The following BRIP1 variants were observed in gnomAD, a reference collection of about 807,000 sequenced individuals.
BRIP1 encodes Fanconi anemia group J protein.
Under a neutral mutation model 119.7 loss-of-function variants are expected in BRIP1, and 88 were observed. The ratio of observed to expected loss-of-function variants is 0.74; its 90% CI spans 0.62 to 0.88. The LOEUF is 0.88. BRIP1 is among the 40% of genes least tolerant of loss of function. The pLI, the probability that BRIP1 is intolerant of heterozygous loss-of-function variation, is 0.00. For missense variants in BRIP1, 1,259 were observed against 1,455.4 expected (o/e 0.87, Z 2.20); for synonymous variants, 443 against 496.5 (o/e 0.89, Z 1.43).
rs1045483092 is a variant in BRIP1, at chr17:61,848,474, A to G, written c.507+655T>C. Among the ~76,000 whole-genome samples, 1 of 152,092 alleles carries G rather than the reference A, an allele frequency of 6.6e-6. No individual in the cohort carries two copies. Among genetic ancestry groups the G allele is most frequent in the Non-Finnish European group, 1.5e-5 (1 of 68,012 alleles). The stretch of plus-strand genomic sequence containing the variant: ...AGATCCTCCCACCTCAGCCTCCCAG[A>G]GTGCTGGGATTACAGTCGTGAGCCA... On this transcript the variant is annotated intron_variant, in intron 5 of 19. Transcript: ENST00000259008. This position sits in a 1 kb window ranked among gnomAD's most constrained non-coding sequence, Gnocchi z 4.3.
rs1212986515 is a variant in BRIP1, at chr17:61,832,864, T to C, written c.627+14237A>G. Among the ~76,000 whole-genome samples the C allele has an allele frequency of 6.6e-6, 1 of 152,234 alleles. No individual in the cohort carries two copies. The highest frequency in any genetic ancestry group is 1.5e-5 in the Non-Finnish European group (1 of 68,040). On this transcript the variant is annotated intron_variant, in intron 6 of 19. Transcript: ENST00000259008. This position sits in a 1 kb window ranked among gnomAD's most constrained non-coding sequence, Gnocchi z 5.5. ...CTTATGGTTATATTGTGATTATGTA[T>C]AAGAATGTCTTTGCTTATAAGACAT...
intron 6 of BRIP1, among the ~76,000 whole-genome samples, chr17:61,835,446 G>A (rs1201131623): frequency 4.6e-5 from 7 of 151,986 alleles, no homozygotes; most frequent in African/African-American, 1.7e-4. Flanking sequence ...GCAGGCTGAA[G>A]GGTAGAAGTA....
rs978471459 is a variant in BRIP1 at position 61,686,526 on chromosome 17, A to C, written c.2576-361T>G. Among the ~76,000 whole-genome samples the C allele has an allele frequency of 1.3e-5, 2 of 152,134 alleles. No homozygotes were observed. Among genetic ancestry groups the C allele is most frequent in the African/African-American group, 2.4e-5 (1 of 41,420 alleles). On this transcript the variant is annotated intron_variant, in intron 18 of 19. Transcript: ENST00000259008. The surrounding 1 kb of genome is among the most constrained non-coding windows in gnomAD (Gnocchi z 5.4). ...CTTTTTTTTTTGTAGGGAAACTAGA[A>C]GTTGTAAACAATACAACTTTCCATT...
At chr17:61,781,040 A>ACTT in intron 11 of BRIP1, 35 bp from the exon 12 acceptor site, 1 of 1,606,522 alleles carries the variant, frequency 6.2e-7, no homozygotes, top group Non-Finnish European at 8.5e-7. Context: ...AAGTGGCAAA[A>ACTT]CTTTTAAAAC....
intron 6 of BRIP1, among the ~76,000 whole-genome samples, chr17:61,840,140 C>G (rs141390678): frequency 6.6e-6 from 1 of 152,212 alleles, no homozygotes; most frequent in Non-Finnish European, 1.5e-5. Flanking sequence ...AAACAGATCA[C>G]CCGAGGTCAG....
intron 6 of BRIP1, among the ~76,000 whole-genome samples, chr17:61,813,793 G>A (rs2145469314): frequency 6.6e-6 from 1 of 152,006 alleles, no homozygotes; most frequent in South Asian, 2.1e-4. Context: ...TCAAGCCACG[G>A]AGAAGACAAT....
rs1404703359 is a variant in BRIP1, at chr17:61,687,455, G to A, written c.2576-1290C>T. 1.3e-5 allele frequency among the ~76,000 whole-genome samples: 2 copies of A among 151,902 alleles called. No individual in the cohort carries two copies. The highest frequency in any genetic ancestry group is 4.8e-5 in the African/African-American group (2 of 41,340). On this transcript the variant is annotated intron_variant, in intron 18 of 19. Transcript: ENST00000259008. This position sits in a 1 kb window ranked among gnomAD's most constrained non-coding sequence, Gnocchi z 5.1. ...TGACCTATGCTACTGCACACTTTACGTGGAAAGGGAAGATAAAACAAATAA... is the reference window on the plus strand; with the variant it reads ...TGACCTATGCTACTGCACACTTTACATGGAAAGGGAAGATAAAACAAATAA...
chr17:61,766,816 T>G (rs2077380458), intron 14 of BRIP1, among the ~76,000 whole-genome samples: 1 of 152,164 alleles, frequency 6.6e-6, no homozygotes, highest in African/African-American at 2.4e-5. Flanking sequence ...AAGATCCAAC[T>G]TGTTACTTTG....
Position 61,744,579 on chromosome 17 carries a change from A to G in BRIP1, c.2110T>C (p.Leu704=). The G allele has an allele frequency of 6.2e-7, 1 of 1,613,218 alleles. No individual in the cohort carries two copies. Among genetic ancestry groups the G allele is most frequent in the Non-Finnish European group, 8.5e-7 (1 of 1,179,336 alleles). The part of the protein sequence containing the change: ...FLPSYKLLEK[L]KERWLSTGLW... Reference sequence around the variant, plus strand: ...CCAGTAGAGAGCCAACGTTCTTTTAATTTTTCTAATAACTAAAGAGGGGAA... The same window carrying G: ...CCAGTAGAGAGCCAACGTTCTTTTAGTTTTTCTAATAACTAAAGAGGGGAA... Residue 704 remains leucine, a synonymous_variant, in exon 15 of 20, where the codon TTA becomes CTA. Transcript: ENST00000259008. This position sits in a 1 kb window ranked among gnomAD's most constrained non-coding sequence, Gnocchi z 5.0.
In BRIP1 at chr17:61,742,527, C is replaced by T. The variant is rs1236266193; in HGVS notation, c.2379+486G>A. Among the ~76,000 whole-genome samples, 2 of 152,144 alleles carry T rather than the reference C, an allele frequency of 1.3e-5. No individual in the cohort carries two copies. The highest frequency in any genetic ancestry group is 4.8e-5 in the African/African-American group (2 of 41,416). On this transcript the variant is annotated intron_variant, in intron 16 of 19. Transcript: ENST00000259008. This position sits in a 1 kb window ranked among gnomAD's most constrained non-coding sequence, Gnocchi z 4.7. The stretch of plus-strand genomic sequence containing the variant: ...AGGAAGCATGCAACACTTCCTTTCA[C>T]TTGAACACTCTGGGGCCATTGTAGG...
Position 61,735,899 on chromosome 17 carries a change from G to A in BRIP1, c.2379+7114C>T, listed in dbSNP as rs925319513. ...CAAGTGCCAGATAACAACACAACCT[G>A]GCCAACACTCTGATTGCAGCAGTTT... On this transcript the variant is annotated intron_variant, in intron 16 of 19. Coordinates refer to ENST00000259008, the MANE Select transcript of BRIP1 (RefSeq NM_032043.3). The surrounding 1 kb of genome is among the most constrained non-coding windows in gnomAD (Gnocchi z 4.4). Among the ~76,000 whole-genome samples, 1 of 152,094 alleles carries A rather than the reference G, an allele frequency of 6.6e-6. No individual in the cohort carries two copies. The highest frequency in any genetic ancestry group is 1.5e-5 in the Non-Finnish European group (1 of 68,016).
intron 17 of BRIP1, among the ~76,000 whole-genome samples, chr17:61,714,108 C>T (rs996169012): frequency 2.0e-5 from 3 of 151,944 alleles, no homozygotes; most frequent in Non-Finnish European, 2.9e-5. Flanking sequence ...CCCAGGTGTT[C>T]GAGACCAGCC....
intron 17 of BRIP1, among the ~76,000 whole-genome samples, chr17:61,714,391 C>T (rs1408033304): frequency 6.6e-6 from 1 of 152,112 alleles, no homozygotes; most frequent in Non-Finnish European, 1.5e-5. Flanking sequence ...TATTTCTATA[C>T]CATATCTTTA....
chr17:61,728,661 A>G (rs913513202), intron 16 of BRIP1, among the ~76,000 whole-genome samples: 21 of 152,192 alleles, frequency 1.4e-4, no homozygotes, highest in African/African-American at 4.8e-4. Context: ...AACAAGAGGA[A>G]GATCTGAGAC....
chr17:61,724,304 T>G lies in BRIP1; in HGVS notation c.2380-8241A>C, dbSNP rs1409572232. On this transcript the variant is annotated intron_variant, in intron 16 of 19. Coordinates refer to ENST00000259008, the MANE Select transcript of BRIP1 (RefSeq NM_032043.3). This position sits in a 1 kb window ranked among gnomAD's most constrained non-coding sequence, Gnocchi z 5.1. ...CATTATATCATAATGTACTTGAGAT[T>G]GAACAGAAAGTTTCTTAAGTTCTCC... 6.6e-6 allele frequency among the ~76,000 whole-genome samples: 1 copy of G among 152,112 alleles called. No homozygotes were observed. Among genetic ancestry groups the G allele is most frequent in the African/African-American group, 2.4e-5 (1 of 41,434 alleles).
intron 14 of BRIP1, among the ~76,000 whole-genome samples, chr17:61,765,416 TATATA>T (rs1567799095): frequency 3.1e-3 from 48 of 15,604 alleles, no homozygotes; most frequent in Non-Finnish European, 4.0e-3. Context: ...TATATATATA[TATATA>T]TATTTTTTTT....
In BRIP1 at chr17:61,709,946, CAAG is replaced by C. The variant is rs1381558538; in HGVS notation, c.2492+6002_2492+6004del. Among the ~76,000 whole-genome samples the C allele has an allele frequency of 3.9e-5, 6 of 152,276 alleles. No homozygotes were observed. The East Asian group carries it at 1.2e-3, about 29-fold the overall frequency. On this transcript the variant is annotated intron_variant, in intron 17 of 19. Coordinates refer to ENST00000259008, the MANE Select transcript of BRIP1 (RefSeq NM_032043.3). This position sits in a 1 kb window ranked among gnomAD's most constrained non-coding sequence, Gnocchi z 5.0. ...TACTTTAGATCTTCTGTATCCCTTACAAGAAGAGTGCCTCAGAGTATAAGCACC... is the reference window on the plus strand; with the variant it reads ...TACTTTAGATCTTCTGTATCCCTTACAAGAGTGCCTCAGAGTATAAGCACC...
Position 61,799,224 on chromosome 17 carries a change from C to A in BRIP1, c.1216G>T (p.Ala406Ser), listed in dbSNP as rs1060501747. ...TGAACTTCTGTTACACTGTAACTTG[C>A]TGATTCCCGAGCACAGTCCTCGATG... ...HNIEDCARES[A>S]SYSVTEVQLR... Residue 406 changes from alanine to serine, a missense_variant, in exon 9 of 20, where the codon GCA (alanine) becomes TCA (serine). Coordinates refer to ENST00000259008, the MANE Select transcript of BRIP1 (RefSeq NM_032043.3). This position sits in a 1 kb window ranked among gnomAD's most constrained non-coding sequence, Gnocchi z 5.1. 8.7e-6 allele frequency: 14 copies of A among 1,613,476 alleles called. No homozygotes were observed. Among genetic ancestry groups the A allele is most frequent in the Non-Finnish European group, 1.2e-5 (14 of 1,179,654 alleles).
chr17:61,712,902 CAA>C (rs10602913), intron 17 of BRIP1, among the ~76,000 whole-genome samples: 51,394 of 141,304 alleles, frequency 0.36, 8,781 homozygotes, highest in East Asian at 0.49. Context: ...GACTTCATCT[CAA>C]AAAAAAAAAA....
Sources: allele counts gnomAD v4.1 joint callset (sites outside exome capture counted in the v4.1 genomes callset), GRCh38; gene constraint gnomAD v4.1.1; non-coding constraint Gnocchi (gnomAD v3.1); transcripts MANE v1.5; gene names NCBI Gene and HGNC (gene_info 2026-07-23, HGNC 2026-07-21).